The following KMT2E variants were observed in gnomAD, a reference collection of about 807,000 sequenced individuals.
KMT2E encodes the protein lysine methyltransferase 2E (inactive).
Under a neutral mutation model 184.6 loss-of-function variants are expected in KMT2E, and 30 were observed. The ratio of observed to expected loss-of-function variants is 0.16; its 90% CI spans 0.12 to 0.22. KMT2E has a LOEUF of 0.22. KMT2E is among the 10% of genes least tolerant of loss of function. KMT2E has a pLI of 1.00. For missense variants in KMT2E, 2,023 were observed against 2,237.4 expected (o/e 0.90, Z 1.93); for synonymous variants, 815 against 776.5 (o/e 1.05, Z -0.82).
intron 5 of KMT2E, 38 bp from the exon 6 acceptor site, chr7:105,066,689 A>C (rs774722557): frequency 2.0e-6 from 3 of 1,484,200 alleles, no homozygotes; most frequent in Admixed American, 1.7e-5. Flanking sequence ...AGGATGACTT[A>C]AATAATATTA....
chr7:105,080,808 C>G (rs559131827), intron 12 of KMT2E, among the ~76,000 whole-genome samples: 1 of 151,588 alleles, frequency 6.6e-6, no homozygotes, highest in East Asian at 2.0e-4. Flanking sequence ...GTCAGGAGTT[C>G]AAGACCAGCC....
chr7:105,046,396 C>T lies in KMT2E; in HGVS notation c.71+5373C>T, dbSNP rs79383906. Among the ~76,000 whole-genome samples the T allele has an allele frequency of 2.0e-3, 306 of 152,214 alleles. 5 individuals carry two copies. In the East Asian group the frequency reaches 0.053, roughly 27 times the overall value. On this transcript the variant is annotated intron_variant, in intron 3 of 26. Transcript: ENST00000311117. ...TTCTTTTTTTCTTCCTTTCTTTCTT[C>T]AAACTCCTGTTTGAATGGTTTCATG...
intron 15 of KMT2E, among the ~76,000 whole-genome samples, chr7:105,095,923 T>C (rs781225777): frequency 6.6e-6 from 1 of 152,150 alleles, no homozygotes; most frequent in African/African-American, 2.4e-5. Flanking sequence ...AAAGTGATCA[T>C]TTTAAAAGCA....
chr7:105,028,636 A>C (rs1216626126), intron 1 of KMT2E, among the ~76,000 whole-genome samples: 2 of 151,962 alleles, frequency 1.3e-5, no homozygotes, highest in African/African-American at 4.8e-5. Flanking sequence ...TCAGGTGTTC[A>C]GCTTCATCTG....
chr7:105,108,823 ATT>A, intron 22 of KMT2E, 117 bp from the exon 23 acceptor site: 1 of 819,236 alleles, frequency 1.2e-6, no homozygotes, highest in Admixed American at 2.9e-5. Context: ...TTCAGAATCA[ATT>A]AAAATAATTT....
intron 1 of KMT2E, among the ~76,000 whole-genome samples, chr7:105,027,156 G>A (rs1185600899): frequency 7.2e-6 from 1 of 139,656 alleles, no homozygotes; most frequent in Non-Finnish European, 1.5e-5. Context: ...ATTATGGCTC[G>A]CTACAGCCTT....
At chr7:105,078,473 A>T (rs1797620782) in intron 11 of KMT2E, among the ~76,000 whole-genome samples, 1 of 151,948 alleles carries the variant, frequency 6.6e-6, no homozygotes, top group Admixed American at 6.6e-5. Context: ...TTGCCTCTGA[A>T]GAGTAACAGA....
chr7:105,014,519 GTGT>G lies in KMT2E; in HGVS notation c.-204_-202del, dbSNP rs1158207903. On this transcript the variant is annotated 5_prime_UTR_variant, in exon 1 of 27. Transcript: ENST00000311117. Reference sequence around the variant, plus strand: ...GCACATAACGGGGTTCGGGTGTCTCGTGTGTGAACATCACAGGTTAGTGCCTGT... The same window carrying G: ...GCACATAACGGGGTTCGGGTGTCTCGGTGAACATCACAGGTTAGTGCCTGT... 6.6e-6 allele frequency: 1 copy of G among 152,270 alleles called. No homozygotes were observed. The highest frequency in any genetic ancestry group is 1.5e-5 in the Non-Finnish European group (1 of 68,202). 9.4% of individuals were successfully genotyped at this position (152,270 alleles called of 1,614,324 possible).
chr7:105,042,955 G>C (rs1289374131), intron 3 of KMT2E, among the ~76,000 whole-genome samples: 3 of 152,120 alleles, frequency 2.0e-5, no homozygotes, highest in Non-Finnish European at 2.9e-5. Flanking sequence ...TGTTATTGGA[G>C]GTCTTAACAC....
intron 17 of KMT2E, chr7:105,103,435 C>G (rs1021606201): frequency 1.4e-4 from 21 of 152,334 alleles, no homozygotes; most frequent in African/African-American, 4.3e-4. Context: ...AGATACTGTT[C>G]TAAGAGCTTT....
Position 105,107,460 on chromosome 7 carries a change from G to C in KMT2E, c.3003G>C (p.Thr1001=). The C allele has an allele frequency of 6.2e-7, 1 of 1,613,866 alleles. No homozygotes were observed. The highest frequency in any genetic ancestry group is 8.5e-7 in the Non-Finnish European group (1 of 1,179,940). The change falls in exon 22 of 27, where the codon ACG becomes ACC. Residue 1001 remains threonine, a synonymous_variant. Coordinates refer to ENST00000311117, the MANE Select transcript of KMT2E (RefSeq NM_182931.3). ...GLQEIKTIGY[T]SPRSRTEVNR... is the part of the protein sequence containing the mutation. ...AAGAAATAAAGACTATTGGTTATAC[G>C]AGCCCTAGGAGTAGGACTGAAGTCA...
intron 6 of KMT2E, among the ~76,000 whole-genome samples, chr7:105,072,476 T>C (rs909611065): frequency 2.0e-5 from 3 of 152,212 alleles, no homozygotes; most frequent in African/African-American, 7.2e-5. Flanking sequence ...TCTGTAGAAA[T>C]TCTAATAATC....
Position 105,074,817 on chromosome 7 carries a change from T to TA in KMT2E, c.729+3dup, listed in dbSNP as rs755272515. 19 of 1,596,302 alleles carry TA rather than the reference T, an allele frequency of 1.2e-5. No individual in the cohort carries two copies. Among genetic ancestry groups the TA allele is most frequent in the Non-Finnish European group, 1.6e-5 (19 of 1,172,288 alleles). On this transcript the variant is annotated splice_region_variant and intron_variant, in intron 8 of 26. Coordinates refer to ENST00000311117, the MANE Select transcript of KMT2E (RefSeq NM_182931.3). ...CAACACATTTCAAAATGTAAAAAGG[T>TA]ACGTTTTTGCTTGTTTTTAGGTGAG...
At chr7:105,068,625 T>G (rs78322022) in intron 6 of KMT2E, among the ~76,000 whole-genome samples, 3 of 115,956 alleles carry the variant, frequency 2.6e-5, no homozygotes, top group Non-Finnish European at 5.1e-5. Context: ...CTAGTTGTGG[T>G]TTTTTTTTTT....
chr7:105,063,657 G>A, intron 5 of KMT2E, 77 bp downstream of exon 5: 1 of 995,164 alleles, frequency 1.0e-6, no homozygotes, highest in Non-Finnish European at 1.5e-6. Context: ...GATAACTAAA[G>A]TCACTTTCAA....
At chr7:105,047,496 GTA>G (rs944077723) in intron 3 of KMT2E, among the ~76,000 whole-genome samples, 2 of 152,208 alleles carry the variant, frequency 1.3e-5, no homozygotes, top group Non-Finnish European at 2.9e-5. Context: ...AATTGGTCTG[GTA>G]TCAGTAATTC....
intron 6 of KMT2E, among the ~76,000 whole-genome samples, chr7:105,072,379 G>A (rs1315452261): frequency 1.3e-5 from 2 of 152,120 alleles, no homozygotes; most frequent in African/African-American, 4.8e-5. Flanking sequence ...AGTTAGTTGA[G>A]AGAGATATGT....
chr7:105,055,731 T>C (rs2129566590), intron 3 of KMT2E, among the ~76,000 whole-genome samples: 1 of 152,322 alleles, frequency 6.6e-6, no homozygotes, highest in South Asian at 2.1e-4. Flanking sequence ...GCTTTCTGTC[T>C]GGAATACTTT....
intron 1 of KMT2E, among the ~76,000 whole-genome samples, chr7:105,020,079 G>T (rs1187604922): frequency 6.7e-6 from 1 of 149,304 alleles, no homozygotes; most frequent in Non-Finnish European, 1.5e-5. Flanking sequence ...CTGTACTTCA[G>T]CCTGGGCGAT....
Sources: gnomAD v4.1 joint callset for allele counts (sites outside exome capture counted in the v4.1 genomes callset) on GRCh38, gnomAD v4.1.1 for gene constraint, MANE v1.5 for transcripts, NCBI Gene and HGNC (gene_info 2026-07-23, HGNC 2026-07-21) for gene names.